The following NCOR2 variants were observed in gnomAD, a reference collection of about 807,000 sequenced individuals.
NCOR2 encodes the protein nuclear receptor corepressor 2.
A neutral mutation model predicts 262.9 loss-of-function variants in NCOR2; 81 were observed. That is an observed-to-expected ratio of 0.31 (90% CI 0.26 to 0.37). The LOEUF (loss-of-function observed/expected upper bound fraction) is 0.37, where lower values mean the gene tolerates loss of function less well. Among genes scored for constraint, NCOR2 ranks in the 10% least tolerant of loss-of-function variants. The pLI is 1.00. For synonymous variants in NCOR2, 1,659 were observed against 1,559.3 expected (o/e 1.06, Z -1.51); for missense variants, 3,385 against 3,621.4 (o/e 0.93, Z 1.68).
At chr12:124,492,679 G>T (rs2048155022) in intron 1 of NCOR2, among the ~76,000 whole-genome samples, 1 of 152,174 alleles carries the variant, frequency 6.6e-6, no homozygotes, top group Admixed American at 6.5e-5. Context: ...CAGGAAGGGG[G>T]TAGTATCTTT....
chr12:124,325,471 G>A, exon 47 of NCOR2: 1 of 1,368,380 alleles, frequency 7.3e-7, no homozygotes, highest in Non-Finnish European at 9.5e-7. Context: ...CCCAGGCGTG[G>A]TGGGGGCCAG....
At chr12:124,342,189 G>A in intron 33 of NCOR2, 115 bp from the exon 36 acceptor site, 1 of 1,277,158 alleles carries the variant, frequency 7.8e-7, no homozygotes, top group Non-Finnish European at 1.1e-6. Context: ...CCACCTACAT[G>A]TGTGGCTGCC....
At chr12:124,422,787 C>T (rs1280483819) in intron 11 of NCOR2, among the ~76,000 whole-genome samples, 2 of 152,238 alleles carry the variant, frequency 1.3e-5, no homozygotes, top group South Asian at 2.1e-4. Flanking sequence ...GGCTTTAGCG[C>T]CTTTGAAAAT....
intron 18 of NCOR2, among the ~76,000 whole-genome samples, chr12:124,377,833 C>T (rs761917897): frequency 6.7e-5 from 10 of 148,340 alleles, no homozygotes; most frequent in African/African-American, 2.5e-4. Context: ...AGCAAGACTC[C>T]GTCTGAAAAA....
At chr12:124,328,953 A>G in intron 44 of NCOR2, 2 of 327,020 alleles carry the variant, frequency 6.1e-6, no homozygotes, top group Non-Finnish European at 1.2e-5. Context: ...AAAAACAGCC[A>G]TGTGCATGAA....
At chr12:124,554,121 G>A (rs1386989950) in intron 1 of NCOR2, among the ~76,000 whole-genome samples, 5 of 152,238 alleles carry the variant, frequency 3.3e-5, no homozygotes, top group African/African-American at 7.2e-5. Flanking sequence ...CGTGAGCAGC[G>A]TGAACCCTCC....
Position 124,356,666 on chromosome 12 carries a change from AG to A in NCOR2, c.3216del (p.Ser1073GlnfsTer50). The A allele has an allele frequency of 6.9e-7, 1 of 1,452,788 alleles. No individual in the cohort carries two copies. 90.0% of individuals were successfully genotyped at this position (1,452,788 alleles called of 1,614,324 possible). On this transcript the variant is annotated frameshift_variant, in exon 23 of 47. Coordinates refer to ENST00000405201, the Ensembl canonical transcript of NCOR2. LOFTEE classifies it high-confidence loss of function. ...CCAGGTGGAGCGTAGGAGAAGGCTG[AG>A]GGGTCCGGGGCATGCGGGGAGGCCT...
At chr12:124,335,246 G>T in exon 40 of NCOR2, 1 of 1,608,022 alleles carries the variant, frequency 6.2e-7, no homozygotes, top group Non-Finnish European at 8.5e-7. Flanking sequence ...GCAGGTGTGG[G>T]AGGTGGGCGG....
upstream of NCOR2, among the ~76,000 whole-genome samples, chr12:124,499,308 G>T (rs2048557213): frequency 6.6e-6 from 1 of 152,032 alleles, no homozygotes; most frequent in African/African-American, 2.4e-5. Context: ...TGGCTGCGGT[G>T]GGGTCAGAAA....
At chr12:124,486,606 G>A (rs1453251482) in intron 1 of NCOR2, 38 bp from the exon 4 acceptor site, 12 of 1,537,538 alleles carry the variant, frequency 7.8e-6, no homozygotes, top group Non-Finnish European at 2.6e-6. Context: ...GCGTGGGCGG[G>A]CACGGGCATG....
chr12:124,398,192 G>A lies in NCOR2; in HGVS notation c.1814-11C>T, dbSNP rs764201722. On this transcript the variant is annotated splice_polypyrimidine_tract_variant and intron_variant, in intron 15 of 46. Transcript: ENST00000405201. ...TCAGCTCCATGGAGGCTGAAAAGAA[G>A]ATGCCAGGTTATTGGCAGGAGCCGG... The A allele has an allele frequency of 5.6e-6, 9 of 1,614,190 alleles. No individual in the cohort carries two copies. The Admixed American group carries it at 1.2e-4, about 21-fold the overall frequency.
exon 20 of NCOR2, chr12:124,372,348 C>T (rs779845066): frequency 7.8e-5 from 119 of 1,516,916 alleles, no homozygotes; most frequent in Non-Finnish European, 1.0e-4. Flanking sequence ...TCTCCTCCTC[C>T]TTCTCCTCCT....
At chr12:124,325,323 G>T in exon 47 of NCOR2, 1 of 1,019,432 alleles carries the variant, frequency 9.8e-7, no homozygotes, top group Non-Finnish European at 1.3e-6. Flanking sequence ...GGGGGAGTCG[G>T]CAGCCGCCCT....
chr12:124,510,250 A>G (rs995227451), intron 1 of NCOR2, among the ~76,000 whole-genome samples: 4 of 152,112 alleles, frequency 2.6e-5, no homozygotes, highest in African/African-American at 9.7e-5. Flanking sequence ...CCCGACCTCC[A>G]TGGGGCCATG....
intron 8 of NCOR2, 111 bp from the exon 11 acceptor site, chr12:124,430,898 A>T (rs894095518): frequency 7.7e-7 from 1 of 1,301,412 alleles, no homozygotes; most frequent in African/African-American, 1.5e-5. Context: ...GCACACACAC[A>T]AAGTCACACA....
At chr12:124,344,880 G>A (rs765064214) in exon 32 of NCOR2, 7 of 1,581,620 alleles carry the variant, frequency 4.4e-6, no homozygotes, top group African/African-American at 2.7e-5. Context: ...CGGGGCTGCC[G>A]ATGAGGGAGC....
intron 17 of NCOR2, among the ~76,000 whole-genome samples, chr12:124,383,916 G>A (rs1012338934): frequency 7.2e-5 from 11 of 152,164 alleles, no homozygotes; most frequent in African/African-American, 9.7e-5. Context: ...AGTCTCTAGG[G>A]GTACAGTGGG....
chr12:124,439,287 A>G (rs1224967222), intron 7 of NCOR2, among the ~76,000 whole-genome samples: 15 of 132,852 alleles, frequency 1.1e-4, no homozygotes, highest in East Asian at 2.6e-4. Flanking sequence ...AGAGGGAGAG[A>G]GAGACCCAGA....
At chr12:124,557,593 T>A (rs2051924657) in intron 1 of NCOR2, among the ~76,000 whole-genome samples, 2 of 152,138 alleles carry the variant, frequency 1.3e-5, no homozygotes, top group South Asian at 4.1e-4. Flanking sequence ...CAGCCTGAGG[T>A]TCCAGGAGGG....
Sources: gnomAD v4.1 joint callset for allele counts (sites outside exome capture counted in the v4.1 genomes callset) on GRCh38, gnomAD v4.1.1 for gene constraint, MANE v1.5 for transcripts, NCBI Gene and HGNC (gene_info 2026-07-23, HGNC 2026-07-21) for gene names.